INTU: variants seen among roughly 807,000 people sequenced by gnomAD.
The protein encoded by INTU is inturned planar cell polarity protein.
Under a neutral mutation model 100.5 loss-of-function variants are expected in INTU, and 68 were observed. That is an observed-to-expected ratio of 0.68 (90% CI 0.56 to 0.83). INTU has a LOEUF of 0.83. Among genes scored for constraint, INTU ranks in the 40% least tolerant of loss-of-function variants. The probability of loss-of-function intolerance (pLI) is 0.00; values close to 1 mark genes in which losing one functional copy is unlikely to be tolerated. For missense variants in INTU, 1,071 were observed against 1,114.7 expected, an observed-to-expected ratio of 0.96 and a Z score of 0.56; for synonymous variants, 357 against 395.7, an observed-to-expected ratio of 0.90 and a Z score of 1.16.
chr4:127,691,214 A>G (rs926619874), intron 8 of INTU, among the ~76,000 whole-genome samples: 3 of 152,112 alleles, frequency 2.0e-5, no homozygotes, highest in African/African-American at 7.2e-5. Context: ...GCTGAATAGT[A>G]TTTCATTGTT....
At chr4:127,676,951 C>T (rs562691100) in intron 6 of INTU, among the ~76,000 whole-genome samples, 6 of 152,328 alleles carry the variant, frequency 3.9e-5, no homozygotes, top group African/African-American at 9.6e-5. Flanking sequence ...GATTATATCC[C>T]GCACATGGCT....
chr4:127,649,752 G>C (rs1033379620), intron 2 of INTU, among the ~76,000 whole-genome samples: 4 of 152,100 alleles, frequency 2.6e-5, no homozygotes, highest in Non-Finnish European at 4.4e-5. Flanking sequence ...TTTTGTCTTT[G>C]TTCAATTCTT....
chr4:127,692,346 T>C (rs977920190), intron 8 of INTU, among the ~76,000 whole-genome samples: 2 of 152,140 alleles, frequency 1.3e-5, no homozygotes, highest in African/African-American at 4.8e-5. Flanking sequence ...ATTAGTGATG[T>C]TGATCATTTT....
Position 127,704,353 on chromosome 4 carries a change from C to T in INTU, c.1566+63C>T. 3 of 1,148,578 alleles carry T rather than the reference C, an allele frequency of 2.6e-6. No homozygotes were observed. The South Asian group carries it at 4.0e-5, about 15-fold the overall frequency. 71.1% of individuals were successfully genotyped at this position (1,148,578 alleles called of 1,614,324 possible). ...TATAAAGAGAACTAAATTTTCAAAA[C>T]TTTTACAAACATGAAAAATACATTT... On this transcript the variant is annotated intron_variant, in intron 10 of 15. Coordinates refer to ENST00000335251, the MANE Select transcript of INTU (RefSeq NM_015693.4).
At chr4:127,677,876 C>T (rs1729305098) in intron 6 of INTU, among the ~76,000 whole-genome samples, 1 of 152,112 alleles carries the variant, frequency 6.6e-6, no homozygotes, top group Admixed American at 6.5e-5. Flanking sequence ...GAATGTATAA[C>T]TAGAATAACC....
chr4:127,666,635 A>G (rs921720031), intron 4 of INTU, among the ~76,000 whole-genome samples: 1 of 152,088 alleles, frequency 6.6e-6, no homozygotes, highest in African/African-American at 2.4e-5. Flanking sequence ...AGAGACCCTA[A>G]CTTGCTCTGC....
In INTU at chr4:127,716,385, A is replaced by G. The variant is rs1241060827; in HGVS notation, c.2778A>G (p.Thr926=). ...ELYVCFHDSV[T]EIAIEIAFKL... is the part of the protein sequence containing the mutation. ...ATGTCTGTTTTCATGACTCAGTCACAGAAATTGCCATTGAAATAGCTTTTA... is the reference window on the plus strand; with the variant it reads ...ATGTCTGTTTTCATGACTCAGTCACGGAAATTGCCATTGAAATAGCTTTTA... The change falls in exon 16 of 16, where the codon ACA becomes ACG. Residue 926 remains threonine, a synonymous_variant. Coordinates refer to ENST00000335251, the MANE Select transcript of INTU (RefSeq NM_015693.4). The G allele has an allele frequency of 1.3e-6, 2 of 1,591,738 alleles. No individual in the cohort carries two copies. The highest frequency in any genetic ancestry group is 1.7e-6 in the Non-Finnish European group (2 of 1,169,456).
At chr4:127,705,480 A>G (rs997824262) in intron 10 of INTU, 111 bp from the exon 11 acceptor site, 7 of 802,018 alleles carry the variant, frequency 8.7e-6, no homozygotes, top group African/African-American at 8.7e-5. Flanking sequence ...CCCATTTGAA[A>G]CTAGAATATT....
chr4:127,637,232 C>T (rs1727111875), intron 1 of INTU, among the ~76,000 whole-genome samples: 2 of 152,220 alleles, frequency 1.3e-5, no homozygotes, highest in Non-Finnish European at 2.9e-5. Context: ...TCTGATTTCT[C>T]CTGTCTGTGG....
rs1053414819 is a variant in INTU, at chr4:127,633,115, G to A, written c.81G>A (p.Glu27=). 2.5e-6 allele frequency: 4 copies of A among 1,613,904 alleles called. No individual in the cohort carries two copies. Among genetic ancestry groups the A allele is most frequent in the Non-Finnish European group, 3.4e-6 (4 of 1,179,934 alleles). Residue 27 remains glutamate (E), a synonymous_variant, in exon 1 of 16, where the codon GAG becomes GAA. Transcript: ENST00000335251. The part of the protein sequence containing the change: ...PGDPSSQEED[E]DYDFEDRVSD... ...ACCCCTCTTCACAAGAAGAAGATGA[G>A]GACTATGATTTTGAAGATCGGGTCA...
At position 127,688,636 on chromosome 4, in the gene INTU, A is replaced by G. The variant is rs1173256920; in HGVS notation, c.1449+769A>G. 2.6e-5 allele frequency among the ~76,000 whole-genome samples: 4 copies of G among 152,180 alleles called. No individual in the cohort carries two copies. The East Asian group carries it at 7.7e-4, about 29-fold the overall frequency. Reference sequence around the variant, plus strand: ...GTATGATCAAATAAATGCCTTTTTGACAGCTTAATAGTTATTTAAATTGAT... The same window carrying G: ...GTATGATCAAATAAATGCCTTTTTGGCAGCTTAATAGTTATTTAAATTGAT... On this transcript the variant is annotated intron_variant, in intron 8 of 15. Transcript: ENST00000335251.
intron 6 of INTU, among the ~76,000 whole-genome samples, chr4:127,681,528 G>T (rs1185454865): frequency 6.6e-6 from 1 of 152,164 alleles, no homozygotes; most frequent in African/African-American, 2.4e-5. Flanking sequence ...AATAAATGGT[G>T]CTGGGAAAAC....
intron 14 of INTU, among the ~76,000 whole-genome samples, chr4:127,713,143 C>G (rs1318429302): frequency 6.6e-6 from 1 of 152,140 alleles, no homozygotes; most frequent in Non-Finnish European, 1.5e-5. Flanking sequence ...GGGACATGAT[C>G]CGTAATTTTT....
chr4:127,664,195 T>G (rs1343487947), intron 4 of INTU, among the ~76,000 whole-genome samples: 1 of 152,116 alleles, frequency 6.6e-6, no homozygotes, highest in East Asian at 1.9e-4. Flanking sequence ...ACGTACTTTT[T>G]GTCTAGCATA....
chr4:127,692,772 A>C (rs1319235913), intron 8 of INTU, among the ~76,000 whole-genome samples: 1 of 152,128 alleles, frequency 6.6e-6, no homozygotes, highest in Admixed American at 6.5e-5. Flanking sequence ...TAAGGCTGAG[A>C]GATCAGGATC....
chr4:127,715,084 A>G (rs1169228976), intron 15 of INTU, among the ~76,000 whole-genome samples: 3 of 152,180 alleles, frequency 2.0e-5, no homozygotes, highest in Non-Finnish European at 1.5e-5. Context: ...AATGAATCTG[A>G]TGATACAACC....
rs1731069720 is a variant in INTU, at chr4:127,710,937, A to G, written c.2394A>G (p.Thr798=). 3 of 1,512,578 alleles carry G rather than the reference A, an allele frequency of 2.0e-6. No homozygotes were observed. The highest frequency in any genetic ancestry group is 4.6e-5 in the East Asian group (2 of 43,138). The allele number at this position is 1,512,578 out of a possible 1,614,324, so 93.7% of individuals were successfully genotyped here. The change falls in exon 14 of 16, where the codon ACA becomes ACG. Residue 798 remains threonine, a synonymous_variant. Transcript: ENST00000335251. ...GACTGACATCTGGTCCTGAGAACAC[A>G]CTTTTCCACTACGTTGCCTTAGAAA... ...TVKLTSGPEN[T]LFHYVALETV...
Position 127,656,788 on chromosome 4 carries a change from T to C in INTU, c.768+67T>C, listed in dbSNP as rs182783569. 678 of 908,176 alleles carry C rather than the reference T, an allele frequency of 7.5e-4. 4 individuals are homozygous for C. Among genetic ancestry groups the C allele is most frequent in the African/African-American group, 7.2e-3 (432 of 59,928 alleles). The allele number at this position is 908,176 out of a possible 1,614,324, so 56.3% of individuals were successfully genotyped here. ...ATAAATATATAAATATATCGTGCAC[T>C]ATTTTCCTTTTTAAGCGTCTGAAAA... On this transcript the variant is annotated intron_variant, in intron 3 of 15. Transcript: ENST00000335251.
At chr4:127,702,477 A>C (rs181530441) in intron 9 of INTU, among the ~76,000 whole-genome samples, 19 of 152,318 alleles carry the variant, frequency 1.2e-4, no homozygotes, top group Admixed American at 1.0e-3. Flanking sequence ...ATACCAAAAC[A>C]AATTCTGGTA....
Sources: gnomAD v4.1 joint callset for allele counts (sites outside exome capture counted in the v4.1 genomes callset) on GRCh38, gnomAD v4.1.1 for gene constraint, MANE v1.5 for transcripts, NCBI Gene and HGNC (gene_info 2026-07-23, HGNC 2026-07-21) for gene names.